The following CERS6 variants were observed in gnomAD, a reference collection of about 807,000 sequenced individuals.
CERS6 encodes LAG1 homolog, ceramide synthase 6.
Under a neutral mutation model 56.8 loss-of-function variants are expected in CERS6, and 26 were observed. The ratio of observed to expected loss-of-function variants is 0.46; its 90% CI spans 0.34 to 0.63. CERS6 has a LOEUF of 0.63. Ranked by LOEUF, CERS6 falls within the 30% of genes least tolerant of loss-of-function variation. The probability of loss-of-function intolerance (pLI) is 0.01; values close to 1 mark genes in which losing one functional copy is unlikely to be tolerated. For synonymous variants in CERS6, 164 were observed against 173.3 expected (o/e 0.95, Z 0.42); for missense variants, 415 against 467.5 (o/e 0.89, Z 1.04).
At chr2:168,660,236 A>G (rs192049988) in intron 4 of CERS6, among the ~76,000 whole-genome samples, 2 of 152,148 alleles carry the variant, frequency 1.3e-5, no homozygotes, top group African/African-American at 4.8e-5. Flanking sequence ...TTAACCTTTC[A>G]AATATAAGAG....
chr2:168,579,569 T>C (rs1223146765), intron 3 of CERS6, among the ~76,000 whole-genome samples: 1 of 152,182 alleles, frequency 6.6e-6, no homozygotes. Flanking sequence ...TCTTCTACGT[T>C]TGATTCTTAC....
At chr2:168,473,914 C>G (rs1694022358) in intron 1 of CERS6, among the ~76,000 whole-genome samples, 1 of 152,016 alleles carries the variant, frequency 6.6e-6, no homozygotes, top group South Asian at 2.1e-4. Flanking sequence ...TGAATGATGC[C>G]AGGTGTGGTG....
At chr2:168,731,552 A>G (rs1683533718) in intron 8 of CERS6, among the ~76,000 whole-genome samples, 1 of 152,118 alleles carries the variant, frequency 6.6e-6, no homozygotes, top group South Asian at 2.1e-4. Flanking sequence ...AAACATCATC[A>G]TACAGCAATG....
chr2:168,670,219 A>T (rs182418500), intron 4 of CERS6, among the ~76,000 whole-genome samples: 2 of 152,322 alleles, frequency 1.3e-5, no homozygotes, highest in African/African-American at 2.4e-5. Flanking sequence ...TTTTAAGCTG[A>T]TAGGATGTCA....
chr2:168,457,132 C>A (rs1693684545), intron 1 of CERS6, among the ~76,000 whole-genome samples: 1 of 152,218 alleles, frequency 6.6e-6, no homozygotes, highest in Admixed American at 6.5e-5. Flanking sequence ...GGTTGTGCTT[C>A]AAAAGAATTC....
At chr2:168,639,454 A>G (rs1021066041) in intron 4 of CERS6, among the ~76,000 whole-genome samples, 2 of 152,220 alleles carry the variant, frequency 1.3e-5, no homozygotes, top group Non-Finnish European at 2.9e-5. Context: ...GGAAAGCATT[A>G]CTCAAGTGTG....
chr2:168,628,219 A>G (rs1487319560), intron 3 of CERS6, among the ~76,000 whole-genome samples: 2 of 152,158 alleles, frequency 1.3e-5, no homozygotes, highest in African/African-American at 2.4e-5. Flanking sequence ...TAGTAGACCC[A>G]TGCTGCCACT....
intron 1 of CERS6, among the ~76,000 whole-genome samples, chr2:168,479,048 A>G (rs1485588265): frequency 1.3e-5 from 2 of 152,182 alleles, no homozygotes; most frequent in Non-Finnish European, 2.9e-5. Context: ...TTGGCTGGCA[A>G]ATAGTCCTAA....
At chr2:168,490,459 A>C (rs535811404) in intron 1 of CERS6, among the ~76,000 whole-genome samples, 5 of 152,126 alleles carry the variant, frequency 3.3e-5, no homozygotes, top group Admixed American at 6.6e-5. Context: ...AAAACCAAAC[A>C]AAACAAAACT....
At chr2:168,631,100 G>GTT in intron 4 of CERS6, 58 bp downstream of exon 4, 2 of 466,586 alleles carry the variant, frequency 4.3e-6, no homozygotes, top group Non-Finnish European at 3.8e-6. Context: ...CTATATCCTG[G>GTT]TTTTTTTTTT....
chr2:168,576,680 C>A (rs977880211), intron 3 of CERS6, among the ~76,000 whole-genome samples: 1 of 152,130 alleles, frequency 6.6e-6, no homozygotes, highest in Non-Finnish European at 1.5e-5. Flanking sequence ...TAACATGATG[C>A]CATACTTGCT....
chr2:168,692,602 C>T (rs1686533928), intron 5 of CERS6, among the ~76,000 whole-genome samples: 1 of 152,112 alleles, frequency 6.6e-6, no homozygotes, highest in African/African-American at 2.4e-5. Flanking sequence ...GTATGGAAGG[C>T]AAGATGCTAT....
chr2:168,543,841 T>C lies in CERS6; in HGVS notation c.171-3755T>C, dbSNP rs143769061. Among the ~76,000 whole-genome samples the C allele has an allele frequency of 3.7e-4, 56 of 152,324 alleles. 1 individual carries two copies. Among genetic ancestry groups the C allele is most frequent in the Middle Eastern group, 6.8e-3 (2 of 294 alleles). Reference sequence around the variant, plus strand: ...GTGCTCTTTCAGGCAACTTTGACATTCTAGGGACAATAAGTATTAAAGAAG... The same window carrying C: ...GTGCTCTTTCAGGCAACTTTGACATCCTAGGGACAATAAGTATTAAAGAAG... On this transcript the variant is annotated intron_variant, in intron 1 of 9. Coordinates refer to ENST00000305747, the MANE Select transcript of CERS6 (RefSeq NM_203463.3).
At chr2:168,459,704 G>A (rs1023528822) in intron 1 of CERS6, among the ~76,000 whole-genome samples, 1 of 151,828 alleles carries the variant, frequency 6.6e-6, no homozygotes, top group African/African-American at 2.4e-5. Flanking sequence ...ATGTTAACTT[G>A]ATCACAAAGA....
chr2:168,674,869 T>C (rs1360821448), intron 4 of CERS6, among the ~76,000 whole-genome samples: 5 of 152,224 alleles, frequency 3.3e-5, no homozygotes, highest in Non-Finnish European at 1.5e-5. Context: ...GGATCTTAAA[T>C]AGCTTTTGTT....
chr2:168,678,192 C>T (rs934074510), intron 4 of CERS6, among the ~76,000 whole-genome samples: 18 of 152,172 alleles, frequency 1.2e-4, no homozygotes, highest in African/African-American at 2.7e-4. Context: ...CAAAGGCAAA[C>T]GTCTTACTAT....
In CERS6 at chr2:168,566,800, C is replaced by CAAA. The variant is rs35044625; in HGVS notation, c.407+5489_407+5491dup. On this transcript the variant is annotated intron_variant, in intron 3 of 9. Coordinates refer to ENST00000305747, the MANE Select transcript of CERS6 (RefSeq NM_203463.3). ...GTTTTCATAAACAGCCACCTACTTG[C>CAAA]AAAAAAAAAAAAACCCTGAATATTT... 4.7e-3 allele frequency among the ~76,000 whole-genome samples: 673 copies of CAAA among 144,010 alleles called. 2 individuals carry two copies. Among genetic ancestry groups the CAAA allele is most frequent in the South Asian group, 0.018 (84 of 4,586 alleles). The allele number at this position is 144,010 out of a possible 152,430, so 94.5% of individuals were successfully genotyped here.
At chr2:168,499,641 C>T (rs1694542871) in intron 1 of CERS6, among the ~76,000 whole-genome samples, 1 of 152,176 alleles carries the variant, frequency 6.6e-6, no homozygotes, top group Admixed American at 6.6e-5. Flanking sequence ...AGTCACTGCA[C>T]AGACTCCTTG....
chr2:168,745,002 C>G (rs1299579408), intron 8 of CERS6, among the ~76,000 whole-genome samples: 1 of 152,078 alleles, frequency 6.6e-6, no homozygotes, highest in Non-Finnish European at 1.5e-5. Context: ...TGAAGCTCCC[C>G]AGGTGATTCA....
Sources: allele counts gnomAD v4.1 joint callset (sites outside exome capture counted in the v4.1 genomes callset), GRCh38; gene constraint gnomAD v4.1.1; transcripts MANE v1.5; gene names NCBI Gene and HGNC (gene_info 2026-07-23, HGNC 2026-07-21).